Variants in ICA1L observed in about 807,000 individuals in gnomAD.
The protein encoded by ICA1L is islet cell autoantigen 1-like protein.
ICA1L carries 50 observed loss-of-function variants against 61.3 expected under a neutral mutation model. That is an observed-to-expected ratio of 0.82 (90% CI 0.65 to 1.03). The LOEUF (loss-of-function observed/expected upper bound fraction) is 1.03, where lower values mean the gene tolerates loss of function less well. ICA1L is among the 50% of genes least tolerant of loss of function. The pLI is 0.00. For missense variants in ICA1L, 508 were observed against 556.7 expected (o/e 0.91, Z 0.88); for synonymous variants, 161 against 191.3 (o/e 0.84, Z 1.31).
At position 202,778,015 on chromosome 2, in the gene ICA1L, GGACTACAGGCA is replaced by G. The variant is rs1478966307; in HGVS notation, c.*1507_*1517del. 1 of 151,832 alleles carries G rather than the reference GGACTACAGGCA, an allele frequency of 6.6e-6. No homozygotes were observed. Among genetic ancestry groups the G allele is most frequent in the Admixed American group, 6.6e-5 (1 of 15,210 alleles). The allele number at this position is 151,832 out of a possible 1,614,324, so 9.4% of individuals were successfully genotyped here. A position where few individuals can be genotyped will look rare whatever the true frequency, so the allele number is the denominator to read the frequency against. On this transcript the variant is annotated 3_prime_UTR_variant, in exon 13 of 13. Transcript: ENST00000358299. ...CCTGCCTCAGCCTCCGGAGTAGCTG[GGACTACAGGCA>G]CGTGCCACCACGCCTGGCTAATTTT...
chr2:202,830,576 A>T (rs1693990906), intron 1 of ICA1L, among the ~76,000 whole-genome samples: 1 of 152,242 alleles, frequency 6.6e-6, no homozygotes, highest in Non-Finnish European at 1.5e-5. Context: ...AAACTGTAAG[A>T]GTAGGAACAA....
At chr2:202,806,421 G>A (rs1254119020) in intron 9 of ICA1L, among the ~76,000 whole-genome samples, 3 of 152,072 alleles carry the variant, frequency 2.0e-5, no homozygotes, top group Non-Finnish European at 4.4e-5. Context: ...TCCGAAGGCG[G>A]ATTGCTTTGA....
At chr2:202,819,938 T>A (rs1357798009) in intron 4 of ICA1L, 39 bp from the exon 5 acceptor site, 1 of 1,468,072 alleles carries the variant, frequency 6.8e-7, no homozygotes, top group Non-Finnish European at 9.5e-7. Flanking sequence ...GTTGAACACA[T>A]CATAAGTAAA....
intron 1 of ICA1L, among the ~76,000 whole-genome samples, chr2:202,843,781 GT>G (rs1478338253): frequency 6.6e-6 from 1 of 152,252 alleles, no homozygotes; most frequent in Non-Finnish European, 1.5e-5. Context: ...CAAGATCTCT[GT>G]GGCAGCAGAG....
chr2:202,864,627 A>ATGTGTGTGTGTGTGTGTGTG (rs566451955), intron 1 of ICA1L, among the ~76,000 whole-genome samples: 261 of 150,396 alleles, frequency 1.7e-3, no homozygotes, highest in Non-Finnish European at 2.8e-3. Context: ...GTATATATAT[A>ATGTGTGTGTGTGTGTGTGTG]TGTGTGTGTG....
intron 12 of ICA1L, among the ~76,000 whole-genome samples, chr2:202,782,413 GTTTT>G (rs796661700): frequency 4.0e-5 from 6 of 149,470 alleles, no homozygotes; most frequent in South Asian, 2.1e-4. Flanking sequence ...TTTGTTTTTG[GTTTT>G]TTTTTTTTGA....
At chr2:202,830,860 T>C (rs565703183) in intron 1 of ICA1L, among the ~76,000 whole-genome samples, 24 of 152,244 alleles carry the variant, frequency 1.6e-4, no homozygotes, top group Admixed American at 4.6e-4. Context: ...AGAAGAACAA[T>C]TATATTATTT....
chr2:202,864,447 G>GTTAGCCAGGA, intron 1 of ICA1L, among the ~76,000 whole-genome samples: 15 of 151,604 alleles, frequency 9.9e-5, no homozygotes, highest in African/African-American at 3.6e-4. Flanking sequence ...GGGTTTCACC[G>GTTAGCCAGGA]TGGTCTCGAT....
At chr2:202,865,889 A>G (rs372563366) in intron 1 of ICA1L, among the ~76,000 whole-genome samples, 2 of 152,328 alleles carry the variant, frequency 1.3e-5, no homozygotes, top group Admixed American at 6.5e-5. Context: ...AGACTTCCAA[A>G]GTGCTAGGAT....
Position 202,828,830 on chromosome 2 carries a change from T to G in ICA1L, c.162+18A>C. On this transcript the variant is annotated intron_variant, in intron 2 of 12. Transcript: ENST00000358299. ...ATAATGGCTGGTTATATGCAATACA[T>G]AGAATCCTCAAATTTACCTCAAGTT... The G allele has an allele frequency of 1.2e-6, 2 of 1,608,710 alleles. No homozygotes were observed. The highest frequency in any genetic ancestry group is 1.7e-6 in the Non-Finnish European group (2 of 1,175,092).
chr2:202,835,355 GCCA>G (rs1385670593), intron 1 of ICA1L, among the ~76,000 whole-genome samples: 2 of 151,098 alleles, frequency 1.3e-5, no homozygotes, highest in Non-Finnish European at 1.5e-5. Flanking sequence ...ACAGGTGCAT[GCCA>G]CCACACCTGG....
chr2:202,782,590 G>A (rs896683101), intron 12 of ICA1L, among the ~76,000 whole-genome samples: 2 of 151,936 alleles, frequency 1.3e-5, no homozygotes, highest in South Asian at 2.1e-4. Flanking sequence ...TGTATTTTTA[G>A]TAGAGACGGG....
chr2:202,821,301 C>G, intron 4 of ICA1L, 57 bp downstream of exon 4: 1 of 1,558,220 alleles, frequency 6.4e-7, no homozygotes, highest in African/African-American at 1.4e-5. Flanking sequence ...TTTAAGTACA[C>G]ATGTCAAAAC....
At chr2:202,828,353 A>C (rs1338799388) in intron 2 of ICA1L, among the ~76,000 whole-genome samples, 13 of 152,110 alleles carry the variant, frequency 8.5e-5, no homozygotes, top group Non-Finnish European at 1.5e-5. Flanking sequence ...ATTGGTTTAA[A>C]ATTGTTTCAT....
chr2:202,821,437 G>C lies in ICA1L; in HGVS notation c.280C>G (p.Gln94Glu), dbSNP rs1196662699. ...GCTTGAGTTGCATCCCGTTCTGCTTGAAATTTTAAAAAGAGCCCTAGCTCA... is the reference window on the plus strand; with the variant it reads ...GCTTGAGTTGCATCCCGTTCTGCTTCAAATTTTAAAAAGAGCCCTAGCTCA... The part of the protein sequence containing the change: ...ENELGLFLKF[Q>E]AERDATQAGK... The change falls in exon 4 of 13, where the codon CAA becomes GAA. Residue 94 changes from glutamine to glutamate, a missense_variant. Coordinates refer to ENST00000358299, the MANE Select transcript of ICA1L (RefSeq NM_001288622.3). The C allele has an allele frequency of 6.2e-7, 1 of 1,612,820 alleles. No homozygotes were observed. The highest frequency in any genetic ancestry group is 2.2e-5 in the East Asian group (1 of 44,778).
intron 1 of ICA1L, among the ~76,000 whole-genome samples, chr2:202,847,936 C>T (rs967740045): frequency 4.6e-5 from 7 of 151,944 alleles, no homozygotes; most frequent in South Asian, 2.1e-4. Context: ...TGCAGCAATA[C>T]GGATGCAGCT....
intron 9 of ICA1L, among the ~76,000 whole-genome samples, chr2:202,810,994 A>AT (rs1258310199): frequency 1.3e-5 from 2 of 152,308 alleles, no homozygotes; most frequent in East Asian, 3.9e-4. Flanking sequence ...CCGAAACTTC[A>AT]TTAGCAATTT....
At chr2:202,867,933 A>G (rs1040875612) in intron 1 of ICA1L, among the ~76,000 whole-genome samples, 5 of 152,196 alleles carry the variant, frequency 3.3e-5, no homozygotes, top group Non-Finnish European at 5.9e-5. Flanking sequence ...AATGGCCAAA[A>G]ATTAGAATAT....
chr2:202,784,957 T>C (rs1191696100), intron 12 of ICA1L, among the ~76,000 whole-genome samples: 1 of 152,110 alleles, frequency 6.6e-6, no homozygotes, highest in African/African-American at 2.4e-5. Context: ...TGGTGGCTCA[T>C]GCCTGTAATC....
Sources: allele counts gnomAD v4.1 joint callset (sites outside exome capture counted in the v4.1 genomes callset), GRCh38; gene constraint gnomAD v4.1.1; transcripts MANE v1.5; gene names NCBI Gene and HGNC (gene_info 2026-07-23, HGNC 2026-07-21).